Variants in PCDHA1 observed in about 807,000 individuals in gnomAD.
PCDHA1 encodes protocadherin alpha-1.
Under a neutral mutation model 61.3 loss-of-function variants are expected in PCDHA1, and 42 were observed. That is an observed-to-expected ratio of 0.69 (90% confidence interval 0.54 to 0.89). The LOEUF is 0.89. PCDHA1 is among the 40% of genes least tolerant of loss of function. The pLI, the probability that PCDHA1 is intolerant of heterozygous loss-of-function variation, is 0.00. For synonymous variants in PCDHA1, 610 were observed against 553.8 expected, an observed-to-expected ratio of 1.10 and a Z score of -1.43; for missense variants, 1,256 against 1,235.3, an observed-to-expected ratio of 1.02 and a Z score of -0.25.
intron 1 of PCDHA1, among the ~76,000 whole-genome samples, chr5:140,789,639 A>G (rs1468338803): frequency 6.6e-6 from 1 of 152,224 alleles, no homozygotes; most frequent in East Asian, 1.9e-4. Flanking sequence ...TGTATTTGCT[A>G]TTTCGGGGAT....
At chr5:140,922,815 C>G (rs2081002299) in intron 1 of PCDHA1, among the ~76,000 whole-genome samples, 2 of 152,158 alleles carry the variant, frequency 1.3e-5, no homozygotes, top group Non-Finnish European at 2.9e-5. Context: ...AAAGGAGATA[C>G]AGCATACTGC....
At chr5:140,895,904 C>CG (rs2065248350) in intron 1 of PCDHA1, among the ~76,000 whole-genome samples, 2 of 152,138 alleles carry the variant, frequency 1.3e-5, no homozygotes, top group Non-Finnish European at 2.9e-5. Flanking sequence ...CTCCGCGTCC[C>CG]GGGCTCAACA....
intron 1 of PCDHA1, chr5:140,828,820 A>T (rs192366589): frequency 6.2e-7 from 1 of 1,614,208 alleles, no homozygotes; most frequent in Admixed American, 1.7e-5. Context: ...CCACTTTCGA[A>T]CAGTCTGAAT....
At chr5:140,927,201 C>T (rs1330352185) in intron 1 of PCDHA1, 7 of 1,614,032 alleles carry the variant, frequency 4.3e-6, no homozygotes, top group Non-Finnish European at 5.1e-6. Flanking sequence ...TGCTCGAGGA[C>T]CCGCTGGAGC....
At chr5:140,852,634 G>C (rs1450409196) in intron 1 of PCDHA1, 2 of 955,260 alleles carry the variant, frequency 2.1e-6, no homozygotes, top group African/African-American at 3.6e-5. Flanking sequence ...CTGAGCTCCT[G>C]TCATTAAACC....
At chr5:140,985,832 C>T (rs760290757) in intron 3 of PCDHA1, among the ~76,000 whole-genome samples, 4 of 151,378 alleles carry the variant, frequency 2.6e-5, no homozygotes, top group African/African-American at 4.9e-5. Flanking sequence ...CTCTGCCTCC[C>T]GGGTTCATGC....
chr5:140,835,934 G>T, intron 1 of PCDHA1: 1 of 1,612,552 alleles, frequency 6.2e-7, no homozygotes, highest in South Asian at 1.1e-5. Context: ...GCGGCAAGGT[G>T]TACGCGCTGC....
chr5:140,879,589 A>G (rs2058049274), intron 1 of PCDHA1, among the ~76,000 whole-genome samples: 1 of 152,214 alleles, frequency 6.6e-6, no homozygotes, highest in South Asian at 2.1e-4. Context: ...CAGACATTGA[A>G]AAGTGAAAAA....
intron 1 of PCDHA1, chr5:140,835,456 C>T: frequency 6.2e-7 from 1 of 1,613,924 alleles, no homozygotes; most frequent in East Asian, 2.2e-5. Context: ...CTGTCTCTCC[C>T]TATTCCAGAG....
intron 1 of PCDHA1, chr5:140,927,278 T>C: frequency 6.2e-7 from 1 of 1,614,094 alleles, no homozygotes; most frequent in Non-Finnish European, 8.5e-7. Flanking sequence ...GCCGGCGACG[T>C]GCAGCTGCAC....
intron 1 of PCDHA1, chr5:140,864,944 T>C (rs1359231248): frequency 1.3e-5 from 2 of 152,162 alleles, no homozygotes; most frequent in Non-Finnish European, 2.9e-5. Flanking sequence ...AGGCCTGTAA[T>C]CCCAGCATTT....
At chr5:140,958,241 AT>A (rs2095415572) in intron 1 of PCDHA1, among the ~76,000 whole-genome samples, 1 of 152,118 alleles carries the variant, frequency 6.6e-6, no homozygotes, top group Non-Finnish European at 1.5e-5. Flanking sequence ...GTTTTTAACA[AT>A]TCTGAACAAA....
intron 1 of PCDHA1, among the ~76,000 whole-genome samples, chr5:140,934,327 T>C (rs1379362644): frequency 1.3e-5 from 2 of 152,152 alleles, no homozygotes; most frequent in African/African-American, 4.8e-5. Flanking sequence ...CAATCATGAA[T>C]GTAATAACCA....
chr5:140,935,257 C>A (rs1200153130), intron 1 of PCDHA1, among the ~76,000 whole-genome samples: 10 of 152,150 alleles, frequency 6.6e-5, no homozygotes, highest in South Asian at 4.1e-4. Context: ...AAATACATCA[C>A]ATGTTTATAC....
At chr5:140,991,228 T>C (rs2097439456) in intron 3 of PCDHA1, among the ~76,000 whole-genome samples, 1 of 152,220 alleles carries the variant, frequency 6.6e-6, no homozygotes, top group African/African-American at 2.4e-5. Flanking sequence ...CATTAATAAA[T>C]GCAGTGGTAA....
chr5:140,793,077 T>C (rs2149906553), intron 1 of PCDHA1, among the ~76,000 whole-genome samples: 1 of 152,336 alleles, frequency 6.6e-6, no homozygotes, highest in East Asian at 1.9e-4. Context: ...CAAACTGGGC[T>C]GTAGGAAGTA....
At chr5:140,829,077 C>T in intron 1 of PCDHA1, 2 of 1,611,602 alleles carry the variant, frequency 1.2e-6, no homozygotes, top group Non-Finnish European at 1.7e-6. Context: ...GGCCATCCTC[C>T]CATGGCGGGT....
chr5:140,858,550 C>T, intron 1 of PCDHA1: 1 of 1,392,416 alleles, frequency 7.2e-7, no homozygotes. Context: ...TCCATTTATG[C>T]TTGAATATTT....
chr5:140,888,620 C>T lies in PCDHA1; in HGVS notation c.2395-90329C>T, dbSNP rs183005411. Among the ~76,000 whole-genome samples the T allele has an allele frequency of 3.4e-3, 514 of 152,264 alleles. 3 individuals are homozygous for T. The highest frequency in any genetic ancestry group is 0.014 in the Middle Eastern group (4 of 294). On this transcript the variant is annotated intron_variant, in intron 1 of 3. Coordinates refer to ENST00000504120, the MANE Select transcript of PCDHA1 (RefSeq NM_018900.4). ...AGCAGCTTTTAGTGTAGCACTAATT[C>T]GGCCTTCTATTACAGCAATACTTTC...
Sources: allele counts gnomAD v4.1 joint callset (sites outside exome capture counted in the v4.1 genomes callset), GRCh38; gene constraint gnomAD v4.1.1; transcripts MANE v1.5; gene names NCBI Gene and HGNC (gene_info 2026-07-23, HGNC 2026-07-21).